The following TRHDE variants were observed in gnomAD, a reference collection of about 807,000 sequenced individuals.
TRHDE encodes thyrotropin-releasing hormone-degrading ectoenzyme.
Under a neutral mutation model 125.7 loss-of-function variants are expected in TRHDE, and 72 were observed. The ratio of observed to expected loss-of-function variants is 0.57; its 90% CI spans 0.47 to 0.70. TRHDE has a LOEUF of 0.70. TRHDE is among the 30% of genes least tolerant of loss of function. TRHDE has a pLI of 0.00. For missense variants in TRHDE, 1,110 were observed against 1,327.1 expected (o/e 0.84, Z 2.54); for synonymous variants, 509 against 509.1 (o/e 1.00, Z 0.00).
intron 7 of TRHDE, among the ~76,000 whole-genome samples, chr12:72,544,741 A>G (rs1037039518): frequency 1.3e-5 from 2 of 151,484 alleles, no homozygotes; most frequent in Admixed American, 1.3e-4. Context: ...TTTGGAAACA[A>G]GGTAAACTTT....
chr12:72,422,763 T>C lies in TRHDE; in HGVS notation c.1315+44642T>C, dbSNP rs1421300132. Among the ~76,000 whole-genome samples the C allele has an allele frequency of 2.6e-5, 4 of 152,194 alleles. No homozygotes were observed. The East Asian group carries it at 7.7e-4, about 29-fold the overall frequency. On this transcript the variant is annotated intron_variant, in intron 3 of 18. Transcript: ENST00000261180. ...TCCCTCAGAATTTATGTCTTGAAAATGTAATCCTGAATGTGACCATGTTTT... is the reference window on the plus strand; with the variant it reads ...TCCCTCAGAATTTATGTCTTGAAAACGTAATCCTGAATGTGACCATGTTTT...
chr12:72,412,481 T>A (rs973904390), intron 3 of TRHDE, among the ~76,000 whole-genome samples: 1 of 152,040 alleles, frequency 6.6e-6, no homozygotes, highest in East Asian at 1.9e-4. Flanking sequence ...AAACTATGCA[T>A]CAATTTAGGA....
chr12:72,647,041 T>G (rs149170583), intron 15 of TRHDE, among the ~76,000 whole-genome samples: 134 of 152,132 alleles, frequency 8.8e-4, no homozygotes, highest in African/African-American at 3.1e-3. Context: ...AGCACACATA[T>G]AACTTTCTCC....
chr12:72,639,043 T>C (rs1347191465), intron 15 of TRHDE, among the ~76,000 whole-genome samples: 259 of 150,722 alleles, frequency 1.7e-3, no homozygotes, highest in African/African-American at 5.5e-3. Context: ...TGAATCTGAA[T>C]GTTGGCCTGC....
At chr12:72,240,238 G>A (rs930153957) in intron 2 of TRHDE, among the ~76,000 whole-genome samples, 3 of 149,804 alleles carry the variant, frequency 2.0e-5, no homozygotes, top group Non-Finnish European at 4.4e-5. Flanking sequence ...ACATATGCAC[G>A]GCAAGATTAA....
At chr12:72,178,238 TG>T (rs1329589336) in intron 2 of TRHDE, among the ~76,000 whole-genome samples, 1 of 152,142 alleles carries the variant, frequency 6.6e-6, no homozygotes, top group Non-Finnish European at 1.5e-5. Flanking sequence ...AATATTGTAC[TG>T]TGTATTAGGA....
chr12:72,472,512 A>T (rs560522677), intron 4 of TRHDE, among the ~76,000 whole-genome samples: 21 of 152,310 alleles, frequency 1.4e-4, no homozygotes, highest in African/African-American at 4.8e-4. Context: ...CCTTAGTTTT[A>T]TCAATCAGCA....
At chr12:72,464,400 C>G (rs1240858628) in intron 3 of TRHDE, among the ~76,000 whole-genome samples, 1 of 152,132 alleles carries the variant, frequency 6.6e-6, no homozygotes, top group African/African-American at 2.4e-5. Flanking sequence ...CTGGTAGGGT[C>G]TGCTCTCTGC....
At chr12:72,638,348 A>G (rs1256541373) in intron 15 of TRHDE, among the ~76,000 whole-genome samples, 2 of 151,034 alleles carry the variant, frequency 1.3e-5, no homozygotes, top group Admixed American at 1.3e-4. Flanking sequence ...TTTGTTTTCC[A>G]TTTGCTTGGT....
chr12:72,145,413 CTT>C (rs1295761756), intron 2 of TRHDE, among the ~76,000 whole-genome samples: 1 of 152,132 alleles, frequency 6.6e-6, no homozygotes, highest in Non-Finnish European at 1.5e-5. Context: ...TTCAACCTCT[CTT>C]TGTTTTGGAA....
chr12:72,382,799 A>C (rs1250679871), intron 3 of TRHDE, among the ~76,000 whole-genome samples: 1 of 151,980 alleles, frequency 6.6e-6, no homozygotes, highest in Non-Finnish European at 1.5e-5. Flanking sequence ...TCTGTCATAA[A>C]CTCTACAATA....
At chr12:72,390,954 G>A (rs1038068489) in intron 3 of TRHDE, among the ~76,000 whole-genome samples, 2 of 152,040 alleles carry the variant, frequency 1.3e-5, no homozygotes, top group Admixed American at 6.6e-5. Flanking sequence ...TATAAAAGGC[G>A]AGTCCTCAGC....
At chr12:72,174,077 A>G (rs1443105584) in intron 2 of TRHDE, among the ~76,000 whole-genome samples, 1 of 152,206 alleles carries the variant, frequency 6.6e-6, no homozygotes, top group Non-Finnish European at 1.5e-5. Context: ...CGTTGATGTA[A>G]GCAGAAACTT....
At chr12:72,503,691 A>C (rs1878246153) in intron 6 of TRHDE, among the ~76,000 whole-genome samples, 2 of 152,154 alleles carry the variant, frequency 1.3e-5, no homozygotes, top group Admixed American at 6.5e-5. Context: ...AGTTTATTGA[A>C]TCTCTTTCTC....
At chr12:72,654,851 T>G (rs755755416) in intron 17 of TRHDE, among the ~76,000 whole-genome samples, 4 of 152,198 alleles carry the variant, frequency 2.6e-5, no homozygotes, top group Non-Finnish European at 4.4e-5. Flanking sequence ...AATAGCCTTC[T>G]GTCTCACTGC....
At chr12:72,368,801 T>C (rs898962847) in intron 2 of TRHDE, among the ~76,000 whole-genome samples, 1 of 152,196 alleles carries the variant, frequency 6.6e-6, no homozygotes, top group African/African-American at 2.4e-5. Context: ...AATTCAAATC[T>C]ATCTGAAGTT....
At chr12:72,297,748 G>A (rs1273121904) in intron 2 of TRHDE, among the ~76,000 whole-genome samples, 2 of 152,216 alleles carry the variant, frequency 1.3e-5, no homozygotes, top group Non-Finnish European at 2.9e-5. Context: ...CTCTGAGGGT[G>A]GATGAGAGCA....
At chr12:72,594,030 C>T (rs898813010) in intron 12 of TRHDE, among the ~76,000 whole-genome samples, 2 of 152,086 alleles carry the variant, frequency 1.3e-5, no homozygotes, top group Non-Finnish European at 2.9e-5. Flanking sequence ...GGTATATGCC[C>T]AGTAATGGGA....
chr12:72,612,359 T>G, intron 12 of TRHDE, among the ~76,000 whole-genome samples: 1 of 152,180 alleles, frequency 6.6e-6, no homozygotes, highest in East Asian at 1.9e-4. Context: ...TATATGTGTA[T>G]TAAGTCTAAT....
Sources: allele counts gnomAD v4.1 joint callset (sites outside exome capture counted in the v4.1 genomes callset), GRCh38; gene constraint gnomAD v4.1.1; transcripts MANE v1.5; gene names NCBI Gene and HGNC (gene_info 2026-07-23, HGNC 2026-07-21).